Variants in MACROD2 observed in about 807,000 individuals in gnomAD.
MACROD2 encodes the protein ADP-ribose glycohydrolase MACROD2.
Under a neutral mutation model 70.4 loss-of-function variants are expected in MACROD2, and 36 were observed. The observed-to-expected ratio is 0.51, with a 90% CI of 0.39 to 0.68. The LOEUF (loss-of-function observed/expected upper bound fraction) is 0.68, where lower values mean the gene tolerates loss of function less well. MACROD2 is among the 30% of genes least tolerant of loss of function. The pLI, the probability that MACROD2 is intolerant of heterozygous loss-of-function variation, is 0.00. For missense variants in MACROD2, 496 were observed against 538.4 expected (o/e 0.92, Z 0.78); for synonymous variants, 172 against 178.8 (o/e 0.96, Z 0.30).
chr20:15,947,060 G>A (rs534055490), intron 12 of MACROD2, among the ~76,000 whole-genome samples: 1 of 152,308 alleles, frequency 6.6e-6, no homozygotes, highest in South Asian at 2.1e-4. Context: ...CAGCATTGCT[G>A]CCAACGTGTC....
At chr20:14,366,356 T>C (rs2083272134) in intron 3 of MACROD2, among the ~76,000 whole-genome samples, 1 of 144,866 alleles carries the variant, frequency 6.9e-6, no homozygotes, top group Non-Finnish European at 1.5e-5. Flanking sequence ...ATAGTGTCCT[T>C]TTTGTAACTT....
intron 3 of MACROD2, among the ~76,000 whole-genome samples, chr20:14,292,029 A>G (rs184152371): frequency 2.0e-5 from 3 of 151,986 alleles, no homozygotes; most frequent in East Asian, 1.9e-4. Flanking sequence ...TCTGATTCCA[A>G]TGGGAGCTGT....
At chr20:14,433,627 T>C (rs1323806797) in intron 3 of MACROD2, among the ~76,000 whole-genome samples, 1 of 152,030 alleles carries the variant, frequency 6.6e-6, no homozygotes, top group Non-Finnish European at 1.5e-5. Context: ...TCCTGAAGAG[T>C]TAAGACTACT....
intron 8 of MACROD2, among the ~76,000 whole-genome samples, chr20:15,666,252 C>T (rs2049896051): frequency 6.6e-6 from 1 of 152,112 alleles, no homozygotes. Flanking sequence ...TAAAGAAAAA[C>T]ATCTCCCAAC....
chr20:14,482,546 G>A (rs910361493), intron 3 of MACROD2, among the ~76,000 whole-genome samples: 1 of 151,490 alleles, frequency 6.6e-6, no homozygotes, highest in African/African-American at 2.4e-5. Flanking sequence ...GCATTAGGGT[G>A]AATGCAGAGC....
At chr20:14,704,331 C>T (rs1358764826) in intron 5 of MACROD2, among the ~76,000 whole-genome samples, 4 of 152,016 alleles carry the variant, frequency 2.6e-5, no homozygotes, top group African/African-American at 7.2e-5. Flanking sequence ...TGATTTATTG[C>T]GCCCTTTTCC....
chr20:14,820,369 TTTTTTTTG>T (rs1463957823), intron 5 of MACROD2, among the ~76,000 whole-genome samples: 1 of 150,766 alleles, frequency 6.6e-6, no homozygotes. Flanking sequence ...TTTTTTTTTT[TTTTTTTTG>T]TTTTCTCTGC....
chr20:14,451,576 G>A (rs182738341), intron 3 of MACROD2, among the ~76,000 whole-genome samples: 112 of 152,298 alleles, frequency 7.4e-4, no homozygotes, highest in Admixed American at 1.5e-3. Flanking sequence ...GGACAGAGAG[G>A]CTGGAATGCT....
chr20:15,039,668 C>T (rs529710452), intron 5 of MACROD2, among the ~76,000 whole-genome samples: 7 of 152,092 alleles, frequency 4.6e-5, no homozygotes, highest in South Asian at 2.1e-4. Context: ...AAACAGAAAG[C>T]GACTCTACAG....
chr20:15,534,709 A>G (rs2047850328), intron 8 of MACROD2, among the ~76,000 whole-genome samples: 3 of 152,286 alleles, frequency 2.0e-5, no homozygotes, highest in Admixed American at 2.0e-4. Context: ...AATTTTTAGC[A>G]ATTCATGTAG....
intron 5 of MACROD2, among the ~76,000 whole-genome samples, chr20:14,853,656 T>A (rs1369136144): frequency 6.6e-6 from 1 of 152,182 alleles, no homozygotes; most frequent in African/African-American, 2.4e-5. Flanking sequence ...ATTAAATGCC[T>A]TAAGAAATGA....
At chr20:15,699,932 G>C (rs2050432134) in intron 8 of MACROD2, among the ~76,000 whole-genome samples, 1 of 152,148 alleles carries the variant, frequency 6.6e-6, no homozygotes, top group Non-Finnish European at 1.5e-5. Context: ...GGGCCTTTCT[G>C]CTGCTTCTTC....
chr20:15,407,352 C>T (rs1396842178), intron 6 of MACROD2, among the ~76,000 whole-genome samples: 2 of 152,306 alleles, frequency 1.3e-5, no homozygotes, highest in South Asian at 2.1e-4. Context: ...GCACCCCCAA[C>T]AGGATGGAGC....
At chr20:14,942,004 G>T (rs1289085386) in intron 5 of MACROD2, among the ~76,000 whole-genome samples, 1 of 146,450 alleles carries the variant, frequency 6.8e-6, no homozygotes, top group African/African-American at 2.5e-5. Flanking sequence ...TCGCCGTGTT[G>T]TTCAGGCTGG....
chr20:15,963,958 A>G (rs1220545726), intron 12 of MACROD2, among the ~76,000 whole-genome samples: 2 of 152,200 alleles, frequency 1.3e-5, no homozygotes, highest in African/African-American at 4.8e-5. Context: ...TTCTTTAAAT[A>G]TGACATTGAC....
At chr20:14,813,582 T>G (rs779968683) in intron 5 of MACROD2, among the ~76,000 whole-genome samples, 1 of 152,062 alleles carries the variant, frequency 6.6e-6, no homozygotes, top group Non-Finnish European at 1.5e-5. Flanking sequence ...ATGTACCACA[T>G]TTTCTTTACA....
intron 5 of MACROD2, among the ~76,000 whole-genome samples, chr20:14,794,219 A>G (rs574234234): frequency 6.6e-6 from 1 of 152,306 alleles, no homozygotes; most frequent in African/African-American, 2.4e-5. Context: ...CCCAATCCAC[A>G]TGAATGTTGA....
intron 3 of MACROD2, among the ~76,000 whole-genome samples, chr20:14,330,369 G>C (rs1211666698): frequency 2.0e-5 from 3 of 151,978 alleles, no homozygotes; most frequent in Non-Finnish European, 4.4e-5. Flanking sequence ...GAACATTTGA[G>C]TATCCTGGAA....
chr20:15,229,750 A>G (rs2076943224), intron 5 of MACROD2, among the ~76,000 whole-genome samples, 190 bp from the exon 6 acceptor site: 1 of 152,194 alleles, frequency 6.6e-6, no homozygotes, highest in African/African-American at 2.4e-5. Context: ...TTCCTGGGAA[A>G]TTGCCTACTT....
Sources: allele counts gnomAD v4.1 joint callset (sites outside exome capture counted in the v4.1 genomes callset), GRCh38; gene constraint gnomAD v4.1.1; transcripts MANE v1.5; gene names NCBI Gene and HGNC (gene_info 2026-07-23, HGNC 2026-07-21).